Variants in TXLNA observed in about 807,000 individuals in gnomAD.
TXLNA encodes the protein taxilin alpha.
A neutral mutation model predicts 61.4 loss-of-function variants in TXLNA; 9 were observed. The observed-to-expected ratio is 0.15, with a 90% CI of 0.09 to 0.26. The LOEUF (loss-of-function observed/expected upper bound fraction) is 0.26. Among genes scored for constraint, TXLNA ranks in the 10% least tolerant of loss-of-function variants. The pLI, the probability that TXLNA is intolerant of heterozygous loss-of-function variation, is 1.00. For missense variants in TXLNA, 565 were observed against 688.8 expected, an observed-to-expected ratio of 0.82 and a Z score of 2.01; for synonymous variants, 257 against 267.7, an observed-to-expected ratio of 0.96 and a Z score of 0.39.
At chr1:32,189,385 G>C (rs1425324195) in intron 5 of TXLNA, among the ~76,000 whole-genome samples, 2 of 152,130 alleles carry the variant, frequency 1.3e-5, no homozygotes, top group Admixed American at 1.3e-4. Context: ...CAAACCCTGG[G>C]TGTTACTAAA....
At position 32,192,491 on chromosome 1, in the gene TXLNA, A is replaced by T; in HGVS notation, c.1083+61A>T. On this transcript the variant is annotated intron_variant, in intron 7 of 10. Transcript: ENST00000373610. This position sits in a 1 kb window ranked among gnomAD's most constrained non-coding sequence, Gnocchi z 4.2. Reference sequence around the variant, plus strand: ...GAGGAGACAGGCTGGGCTCTGGCTCAGCTCATAGCCGGGTTATATGGGAGA... The same window carrying T: ...GAGGAGACAGGCTGGGCTCTGGCTCTGCTCATAGCCGGGTTATATGGGAGA... The T allele has an allele frequency of 6.2e-7, 1 of 1,605,690 alleles. No homozygotes were observed. Among genetic ancestry groups the T allele is most frequent in the Non-Finnish European group, 8.5e-7 (1 of 1,174,232 alleles).
rs148841382 is a variant in TXLNA, at chr1:32,193,687, C to T, written c.1252-378C>T. ...TCCTGACTAGCTGGAATTACAGGCG[C>T]GTGCCACCATGCCTGGCTAATTTTT... On this transcript the variant is annotated intron_variant, in intron 9 of 10. Coordinates refer to ENST00000373610, the MANE Select transcript of TXLNA (RefSeq NM_175852.4). Among the ~76,000 whole-genome samples the T allele has an allele frequency of 3.2e-3, 483 of 152,038 alleles. 5 individuals are homozygous for T. The highest frequency in any genetic ancestry group is 0.011 in the African/African-American group (466 of 41,464).
At chr1:32,182,924 G>A (rs924260472) in intron 3 of TXLNA, among the ~76,000 whole-genome samples, 3 of 151,018 alleles carry the variant, frequency 2.0e-5, no homozygotes, top group East Asian at 2.0e-4. Flanking sequence ...AAAATCAGCC[G>A]GGCGTGGTGG....
chr1:32,185,558 ATTTT>A (rs755164801), intron 4 of TXLNA, among the ~76,000 whole-genome samples: 2 of 82,784 alleles, frequency 2.4e-5, no homozygotes, highest in South Asian at 3.6e-4. Context: ...ATGCTAGGCT[ATTTT>A]TTTTTTTTTT....
intron 1 of TXLNA, 71 bp from the exon 2 acceptor site, chr1:32,180,243 G>A (rs1642623654): frequency 4.9e-6 from 7 of 1,421,616 alleles, no homozygotes; most frequent in African/African-American, 4.3e-5. Context: ...TGCGCCTGCT[G>A]TGGGGATTTC....
chr1:32,183,350 T>A (rs1642709638), intron 3 of TXLNA, among the ~76,000 whole-genome samples: 1 of 149,798 alleles, frequency 6.7e-6, no homozygotes, highest in African/African-American at 2.5e-5. Context: ...AGTCTCGATC[T>A]CCTGACCTCA....
intron 3 of TXLNA, among the ~76,000 whole-genome samples, chr1:32,184,147 G>A (rs1642732712): frequency 6.6e-6 from 1 of 152,224 alleles, no homozygotes; most frequent in Non-Finnish European, 1.5e-5. Context: ...CCTCTATCAG[G>A]AGGGTGGGCC....
At chr1:32,182,265 A>G (rs1642680456) in intron 3 of TXLNA, among the ~76,000 whole-genome samples, 1 of 152,054 alleles carries the variant, frequency 6.6e-6, no homozygotes, top group African/African-American at 2.4e-5. Flanking sequence ...CTCCATGCTG[A>G]TCTCTTGGGC....
At chr1:32,193,697 T>C (rs569902703) in intron 9 of TXLNA, among the ~76,000 whole-genome samples, 1 of 152,180 alleles carries the variant, frequency 6.6e-6, no homozygotes, top group East Asian at 1.9e-4. Context: ...CGTGCCACCA[T>C]GCCTGGCTAA....
At chr1:32,193,526 T>TTTG (rs373486404) in intron 9 of TXLNA, among the ~76,000 whole-genome samples, 4,433 of 148,910 alleles carry the variant, frequency 0.03, 135 homozygotes, top group Admixed American at 0.08. Context: ...TTTTGGGGGG[T>TTTG]TTGTTGTTGT....
chr1:32,181,438 G>C lies in TXLNA; in HGVS notation c.366G>C (p.Glu122Asp). ...KSRTYVARNG[E>D]PEPTPVVNGE... ...GGACCTATGTGGCAAGGAATGGGGA[G>C]CCTGAACCAACTCCAGTAGTCAATG... Residue 122 changes from glutamate to aspartate, a missense_variant, in exon 3 of 11, where the codon GAG becomes GAC. Around this residue, in one of 2 missense-constraint regions of TXLNA, gnomAD observed 192 missense variants for 184.8 expected, o/e 1.04. Transcript: ENST00000373610. 1 of 1,614,208 alleles carries C rather than the reference G, an allele frequency of 6.2e-7. No individual in the cohort carries two copies. The highest frequency in any genetic ancestry group is 8.5e-7 in the Non-Finnish European group (1 of 1,180,036).
rs1286479108 is a variant in TXLNA at position 32,197,143 on chromosome 1, GGC to G, written c.*1949_*1950del. 6.6e-6 allele frequency: 1 copy of G among 152,402 alleles called. No homozygotes were observed. Among genetic ancestry groups the G allele is most frequent in the Non-Finnish European group, 1.5e-5 (1 of 68,194 alleles). The allele number at this position is 152,402 out of a possible 1,614,324, so 9.4% of individuals were successfully genotyped here. On this transcript the variant is annotated 3_prime_UTR_variant, in exon 11 of 11. Transcript: ENST00000373610. This position sits in a 1 kb window ranked among gnomAD's most constrained non-coding sequence, Gnocchi z 4.6. Reference sequence around the variant, plus strand: ...TTTCCCTACCCCAGCCCCTGTGCCAGGCTAAGCTGGTACAAGAGCTGCCAACC... The same window carrying G: ...TTTCCCTACCCCAGCCCCTGTGCCAGTAAGCTGGTACAAGAGCTGCCAACC...
In TXLNA at chr1:32,188,033, A is replaced by G; in HGVS notation, c.677A>G (p.His226Arg). 1 of 1,611,106 alleles carries G rather than the reference A, an allele frequency of 6.2e-7. No homozygotes were observed. The highest frequency in any genetic ancestry group is 1.1e-5 in the South Asian group (1 of 90,320). ...AGCCAGCTGGTGCAAGAGAAGGACC[A>G]CCTGCGCGGTGAGCACAGCAAGGCC... ...KQSQLVQEKD[H>R]LRGEHSKAVL... Residue 226 changes from histidine (H) to arginine (R), a missense_variant, in exon 5 of 11, where the codon CAC becomes CGC. Transcript: ENST00000373610.
At chr1:32,182,756 T>C (rs71646361) in intron 3 of TXLNA, among the ~76,000 whole-genome samples, 35 of 151,960 alleles carry the variant, frequency 2.3e-4, no homozygotes, top group Admixed American at 3.9e-4. Flanking sequence ...CCTCTTACTT[T>C]AAAGAGGAAC....
rs1396929795 is a variant in TXLNA, at chr1:32,195,040, C to T, written c.1486C>T (p.Leu496Phe). 2.5e-6 allele frequency: 4 copies of T among 1,614,134 alleles called. No homozygotes were observed. The highest frequency in any genetic ancestry group is 2.2e-5 in the East Asian group (1 of 44,876). ...QDLSAGGQGSLTDSGPERRPE... is the reference protein window; with the variant it reads ...QDLSAGGQGSFTDSGPERRPE... ...CCTGAGTGCTGGTGGCCAGGGCTCC[C>T]TCACTGACAGTGGCCCTGAGAGGAG... Residue 496 changes from leucine to phenylalanine, a missense_variant, in exon 11 of 11, where the codon CTC (leucine) becomes TTC (phenylalanine). Coordinates refer to ENST00000373610, the MANE Select transcript of TXLNA (RefSeq NM_175852.4).
chr1:32,195,240 C>T lies in TXLNA; in HGVS notation c.*45C>T. On this transcript the variant is annotated 3_prime_UTR_variant, in exon 11 of 11. Coordinates refer to ENST00000373610, the MANE Select transcript of TXLNA (RefSeq NM_175852.4). The stretch of plus-strand genomic sequence containing the variant: ...TGCTGGGAAGGGAGCGGCAGCCCAG[C>T]CAGGCCTGGCCCATAAAAGGCTCCC... 2 of 1,516,502 alleles carry T rather than the reference C, an allele frequency of 1.3e-6. No homozygotes were observed. The highest frequency in any genetic ancestry group is 1.8e-6 in the Non-Finnish European group (2 of 1,135,556). The allele number at this position is 1,516,502 out of a possible 1,614,324, so 93.9% of individuals were successfully genotyped here. A position where few individuals can be genotyped will look rare whatever the true frequency, so the allele number is the denominator to read the frequency against.
chr1:32,187,873 A>G, intron 4 of TXLNA, 81 bp from the exon 5 acceptor site: 1 of 1,472,620 alleles, frequency 6.8e-7, no homozygotes, highest in South Asian at 1.3e-5. Context: ...GCAGCTCAGG[A>G]GACCCTAGAC....
rs1355559686 is a variant in TXLNA at position 32,196,020 on chromosome 1, GTGTT to G, written c.*829_*832del. The G allele has an allele frequency of 1.6e-5, 3 of 187,966 alleles. No homozygotes were observed. Among genetic ancestry groups the G allele is most frequent in the Admixed American group, 7.0e-5 (1 of 14,266 alleles). 11.6% of individuals were successfully genotyped at this position (187,966 alleles called of 1,614,324 possible). A position where few individuals can be genotyped will look rare whatever the true frequency, so the allele number is the denominator to read the frequency against. ...TTTTCTTTTTTTTTTGCACATGACA[GTGTT>G]TGTATTGAGGACCTTCCAAGGAAGA... On this transcript the variant is annotated 3_prime_UTR_variant, in exon 11 of 11. Coordinates refer to ENST00000373610, the MANE Select transcript of TXLNA (RefSeq NM_175852.4).
In TXLNA at chr1:32,197,482, C is replaced by T. The variant is rs1643050379; in HGVS notation, c.*2287C>T. The T allele has an allele frequency of 6.6e-6, 1 of 152,292 alleles. No homozygotes were observed. The highest frequency in any genetic ancestry group is 1.5e-5 in the Non-Finnish European group (1 of 68,092). The allele number at this position is 152,292 out of a possible 1,614,324, so 9.4% of individuals were successfully genotyped here. On this transcript the variant is annotated 3_prime_UTR_variant, in exon 11 of 11. Coordinates refer to ENST00000373610, the MANE Select transcript of TXLNA (RefSeq NM_175852.4). This position sits in a 1 kb window ranked among gnomAD's most constrained non-coding sequence, Gnocchi z 4.6. The stretch of plus-strand genomic sequence containing the variant: ...CCAGTCTGCAGATGAGGTTCCCTAC[C>T]TTTTTCTTCTCTTCATTGACCAAAT...
Sources: allele counts gnomAD v4.1 joint callset (sites outside exome capture counted in the v4.1 genomes callset), GRCh38; gene constraint gnomAD v4.1.1; regional missense constraint gnomAD v4.1.1; non-coding constraint Gnocchi (gnomAD v3.1); transcripts MANE v1.5; gene names NCBI Gene and HGNC (gene_info 2026-07-23, HGNC 2026-07-21).